The following ADAM29 variants were observed in gnomAD, a reference collection of about 807,000 sequenced individuals.
The protein encoded by ADAM29 is ADAM metallopeptidase domain 29.
For missense variants in ADAM29, 969 were observed against 1,001.8 expected, an observed-to-expected ratio of 0.97 and a Z score of 0.44; for synonymous variants, 367 against 342.3, an observed-to-expected ratio of 1.07 and a Z score of -0.80.
intron 4 of ADAM29, among the ~76,000 whole-genome samples, chr4:174,973,553 C>T (rs1334168531): frequency 3.3e-5 from 5 of 152,166 alleles, no homozygotes; most frequent in Non-Finnish European, 5.9e-5. Flanking sequence ...GCTGATGTCA[C>T]TCTGTAGGAG....
At chr4:174,921,535 G>A (rs138406974) in intron 2 of ADAM29, among the ~76,000 whole-genome samples, 6 of 152,226 alleles carry the variant, frequency 3.9e-5, no homozygotes, top group African/African-American at 1.4e-4. Flanking sequence ...CCAGATGGAC[G>A]CACAAAAGCC....
intron 2 of ADAM29, among the ~76,000 whole-genome samples, chr4:174,923,531 A>G (rs1039695997): frequency 8.7e-4 from 61 of 70,356 alleles, no homozygotes; most frequent in African/African-American, 1.3e-3. Flanking sequence ...ATATGTATAT[A>G]TATATATATA....
intron 3 of ADAM29, among the ~76,000 whole-genome samples, chr4:174,933,680 A>G (rs1744039781): frequency 6.6e-6 from 1 of 152,116 alleles, no homozygotes; most frequent in African/African-American, 2.4e-5. Context: ...CTTTGTGTCC[A>G]TATGTTCTCA....
chr4:174,928,569 T>TTTAAAA (rs761103217), intron 2 of ADAM29, among the ~76,000 whole-genome samples: 2 of 131,838 alleles, frequency 1.5e-5, no homozygotes, highest in African/African-American at 5.5e-5. Context: ...GTCATGTGCT[T>TTTAAAA]AAAAAAAAAA....
At chr4:174,969,425 C>A (rs1560890599) in intron 4 of ADAM29, among the ~76,000 whole-genome samples, 1 of 151,568 alleles carries the variant, frequency 6.6e-6, no homozygotes, top group East Asian at 1.9e-4. Flanking sequence ...TAAAAAATAT[C>A]TTTTTTTCTG....
Position 174,976,867 on chromosome 4 carries a change from T to C in ADAM29, c.1342T>C (p.Phe448Leu), listed in dbSNP as rs1168414936. 6.2e-7 allele frequency: 1 copy of C among 1,614,152 alleles called. No individual in the cohort carries two copies. Residue 448 changes from phenylalanine to leucine, a missense_variant, in exon 5 of 5, where the codon TTC becomes CTC. By Grantham distance (22) the Phe-to-Leu change is conservative. Transcript: ENST00000359240. ...AFGLCCKDCK[F>L]LPSGKVCRKE... ...TGGGCTTTGTTGCAAAGACTGCAAG[T>C]TCCTACCATCAGGGAAAGTGTGTAG...
intron 4 of ADAM29, among the ~76,000 whole-genome samples, chr4:174,939,421 G>A (rs958606628): frequency 6.6e-6 from 1 of 151,956 alleles, no homozygotes; most frequent in African/African-American, 2.4e-5. Context: ...TCTGAAAATA[G>A]GACAGAAAAA....
At chr4:174,932,376 C>T (rs375978785) in intron 3 of ADAM29, among the ~76,000 whole-genome samples, 27 of 152,236 alleles carry the variant, frequency 1.8e-4, no homozygotes, top group African/African-American at 6.5e-4. Flanking sequence ...TGTAACAATT[C>T]TTAGTTTATA....
At chr4:174,929,035 A>C (rs544119683) in intron 2 of ADAM29, among the ~76,000 whole-genome samples, 167 of 152,300 alleles carry the variant, frequency 1.1e-3, no homozygotes, top group African/African-American at 3.6e-3. Context: ...GGTTCAGGGG[A>C]ACTTCTAAGG....
chr4:174,923,336 T>G (rs1168043018), intron 2 of ADAM29, among the ~76,000 whole-genome samples: 2 of 151,814 alleles, frequency 1.3e-5, no homozygotes, highest in East Asian at 3.9e-4. Context: ...ATTACAGTCA[T>G]GAGCCACCGT....
intron 4 of ADAM29, among the ~76,000 whole-genome samples, chr4:174,947,739 C>A (rs532780621): frequency 1.9e-4 from 29 of 152,234 alleles, no homozygotes; most frequent in Non-Finnish European, 3.1e-4. Context: ...AGAGAGTTCT[C>A]TAGATGTCTG....
chr4:174,977,097 GA>G lies in ADAM29; in HGVS notation c.1574del (p.Asn525ThrfsTer3). On this transcript the variant is annotated frameshift_variant, in exon 5 of 5. Transcript: ENST00000359240. LOFTEE classifies it low-confidence loss of function (END_TRUNC). ...CAAGTGAGACTTGCTACAAAGAATT[GA>G]ACACCTTAGGTGACCGTGTTGGTCA... ...TASETCYKEL[N>X]TLGDRVGHCG... The G allele has an allele frequency of 1.9e-6, 3 of 1,613,968 alleles. No individual in the cohort carries two copies. The highest frequency in any genetic ancestry group is 2.5e-6 in the Non-Finnish European group (3 of 1,179,942).
At chr4:174,924,722 G>A (rs1345218234) in intron 2 of ADAM29, among the ~76,000 whole-genome samples, 1 of 152,136 alleles carries the variant, frequency 6.6e-6, no homozygotes, top group South Asian at 2.1e-4. Flanking sequence ...AGGCTACATG[G>A]TATATCATTT....
intron 4 of ADAM29, among the ~76,000 whole-genome samples, chr4:174,956,919 T>A (rs1745541552): frequency 6.6e-6 from 1 of 151,930 alleles, no homozygotes; most frequent in Admixed American, 6.6e-5. Flanking sequence ...TCCATACATG[T>A]AACATGATGC....
intron 2 of ADAM29, among the ~76,000 whole-genome samples, chr4:174,925,498 A>G (rs2110906137): frequency 6.6e-6 from 1 of 152,356 alleles, no homozygotes; most frequent in South Asian, 2.1e-4. Context: ...GAGTAATTAA[A>G]TGGTTCTTTT....
At chr4:174,945,705 G>C (rs1158229375) in intron 4 of ADAM29, among the ~76,000 whole-genome samples, 1 of 152,058 alleles carries the variant, frequency 6.6e-6, no homozygotes, top group East Asian at 1.9e-4. Flanking sequence ...TCAATATTAT[G>C]CATGTGACTA....
intron 2 of ADAM29, among the ~76,000 whole-genome samples, chr4:174,927,217 A>C (rs10006834): frequency 0.22 from 32,908 of 151,706 alleles, 4,919 homozygotes; most frequent in African/African-American, 0.43. Flanking sequence ...TCGCTATCAA[A>C]CCAGCCACTC....
chr4:174,941,547 G>T (rs745806068), intron 4 of ADAM29, among the ~76,000 whole-genome samples: 6 of 152,132 alleles, frequency 3.9e-5, no homozygotes, highest in Non-Finnish European at 7.3e-5. Flanking sequence ...GCAGGGAGCA[G>T]GGACAGTGCC....
intron 4 of ADAM29, among the ~76,000 whole-genome samples, chr4:174,953,281 G>T (rs981383633): frequency 6.6e-6 from 1 of 151,652 alleles, no homozygotes; most frequent in South Asian, 2.1e-4. Flanking sequence ...GCAAGACTCT[G>T]TCTAAAAACA....
Sources: gnomAD v4.1 joint callset for allele counts (sites outside exome capture counted in the v4.1 genomes callset) on GRCh38, gnomAD v4.1.1 for gene constraint, MANE v1.5 for transcripts, NCBI Gene and HGNC (gene_info 2026-07-23, HGNC 2026-07-21) for gene names.